The following RRH variants were observed in gnomAD, a reference collection of about 807,000 sequenced individuals.
RRH encodes the protein visual pigment-like receptor peropsin.
RRH carries 36 observed loss-of-function variants against 33.1 expected under a neutral mutation model. That is an observed-to-expected ratio of 1.09 (90% confidence interval 0.83 to 1.44). The LOEUF is 1.44. Ranked by LOEUF, RRH falls within the 40% of genes most tolerant of loss-of-function variation. RRH has a pLI of 0.00. For missense variants in RRH, 393 were observed against 420.2 expected (o/e 0.94, Z 0.57); for synonymous variants, 124 against 140.2 (o/e 0.88, Z 0.82).
At chr4:109,829,397 G>T (rs1733702844) in intron 1 of RRH, among the ~76,000 whole-genome samples, 1 of 146,796 alleles carries the variant, frequency 6.8e-6, no homozygotes. Flanking sequence ...GTTTGGTTTA[G>T]TTAGTTATTT....
chr4:109,833,774 T>C (rs1472372697), intron 2 of RRH, among the ~76,000 whole-genome samples: 2 of 152,208 alleles, frequency 1.3e-5, no homozygotes, highest in African/African-American at 4.8e-5. Flanking sequence ...TGTTATTTTT[T>C]AGTAAAAAGG....
chr4:109,832,363 G>A (rs115835048), intron 1 of RRH, among the ~76,000 whole-genome samples: 1 of 151,164 alleles, frequency 6.6e-6, no homozygotes, highest in African/African-American at 2.4e-5. Flanking sequence ...CAACACTGAG[G>A]TTCTGGAAAC....
intron 1 of RRH, among the ~76,000 whole-genome samples, chr4:109,830,950 C>G (rs1245029289): frequency 6.6e-6 from 1 of 152,134 alleles, no homozygotes; most frequent in African/African-American, 2.4e-5. Context: ...TTTAGACTGA[C>G]TGTGAAATGG....
intron 4 of RRH, 88 bp downstream of exon 4, chr4:109,836,248 C>T (rs2125893272): frequency 7.1e-7 from 1 of 1,404,446 alleles, no homozygotes; most frequent in Admixed American, 1.7e-5. Flanking sequence ...ATCATGTGTT[C>T]CTCATACAGA....
At chr4:109,843,481 TTACAG>T (rs1560586707) in intron 6 of RRH, among the ~76,000 whole-genome samples, 1 of 152,244 alleles carries the variant, frequency 6.6e-6, no homozygotes, top group Non-Finnish European at 1.5e-5. Context: ...AGCGCTGGGA[TTACAG>T]GCGTGAGCCA....
intron 4 of RRH, 106 bp from the exon 5 acceptor site, chr4:109,837,331 G>T: frequency 1.0e-6 from 1 of 1,002,542 alleles, no homozygotes; most frequent in Non-Finnish European, 1.5e-6. Context: ...AAATTATTTA[G>T]CAATATAATG....
intron 4 of RRH, 110 bp downstream of exon 4, chr4:109,836,270 C>A: frequency 8.8e-7 from 1 of 1,136,976 alleles, no homozygotes; most frequent in Non-Finnish European, 1.3e-6. Context: ...GGTGGCGAAG[C>A]ACTTCCCTGG....
intron 5 of RRH, among the ~76,000 whole-genome samples, chr4:109,838,393 C>G (rs1436297943): frequency 6.6e-6 from 1 of 152,162 alleles, no homozygotes; most frequent in African/African-American, 2.4e-5. Flanking sequence ...CTGATTGCTC[C>G]TGAGGACCAC....
intron 5 of RRH, among the ~76,000 whole-genome samples, chr4:109,838,474 T>G (rs1419750470): frequency 1.3e-5 from 2 of 150,674 alleles, no homozygotes; most frequent in Non-Finnish European, 3.0e-5. Flanking sequence ...CCTTCCAGGG[T>G]CGAATCCCCT....
chr4:109,835,571 A>G lies in RRH; in HGVS notation c.397+106A>G, dbSNP rs777699442. 7.0e-5 allele frequency: 59 copies of G among 837,388 alleles called. 1 individual carries two copies. The highest frequency in any genetic ancestry group is 9.4e-5 in the Admixed American group (5 of 53,330). The allele number at this position is 837,388 out of a possible 1,614,324, so 51.9% of individuals were successfully genotyped here. On this transcript the variant is annotated intron_variant, in intron 3 of 6. Transcript: ENST00000317735. ...AACCTAATGGTTTGTAGTTAGGGTC[A>G]GTTTTATTTCTCTGCCAATAATTGT...
At chr4:109,838,830 G>A (rs1424880581) in intron 5 of RRH, among the ~76,000 whole-genome samples, 1 of 152,094 alleles carries the variant, frequency 6.6e-6, no homozygotes, top group African/African-American at 2.4e-5. Flanking sequence ...TATGTCTCTA[G>A]TTTTCTGAAA....
rs776632573 is a variant in RRH at position 109,844,335 on chromosome 4, G to C, written c.*138G>C. The C allele has an allele frequency of 1.6e-6, 1 of 631,330 alleles. No homozygotes were observed. Among genetic ancestry groups the C allele is most frequent in the Non-Finnish European group, 2.9e-6 (1 of 347,172 alleles). The allele number at this position is 631,330 out of a possible 1,614,324, so 39.1% of individuals were successfully genotyped here. The stretch of plus-strand genomic sequence containing the variant: ...TGTAAGCTCCTCAAGCACAGCTCGT[G>C]CTTCTGTTTGTGCACTCTGGCTGCT... On this transcript the variant is annotated 3_prime_UTR_variant, in exon 7 of 7. Coordinates refer to ENST00000317735, the MANE Select transcript of RRH (RefSeq NM_006583.5).
At chr4:109,828,683 A>T (rs552750630) in intron 1 of RRH, among the ~76,000 whole-genome samples, 1 of 152,272 alleles carries the variant, frequency 6.6e-6, no homozygotes, top group East Asian at 1.9e-4. Context: ...CTGAAAATTC[A>T]GCTTGTTCCA....
At chr4:109,834,640 G>A (rs1733841270) in intron 2 of RRH, among the ~76,000 whole-genome samples, 1 of 142,078 alleles carries the variant, frequency 7.0e-6, no homozygotes, top group African/African-American at 2.7e-5. Flanking sequence ...ACTGCGCCCG[G>A]ACCCCCATTT....
At chr4:109,836,280 G>A in intron 4 of RRH, 120 bp downstream of exon 4, 1 of 1,027,244 alleles carries the variant, frequency 9.7e-7, no homozygotes, top group Non-Finnish European at 1.5e-6. Context: ...CACTTCCCTG[G>A]TAGTGATGAT....
At position 109,837,868 on chromosome 4, in the gene RRH, C is replaced by A. The variant is rs374036038; in HGVS notation, c.720+263C>A. On this transcript the variant is annotated intron_variant, in intron 5 of 6. Coordinates refer to ENST00000317735, the MANE Select transcript of RRH (RefSeq NM_006583.5). ...TCGGCTCACTGCAACCTCCGCCTCC[C>A]GGGTTCAAGTGATTCTCCTGCCTCA... is the stretch of plus-strand genomic sequence containing the variant. Among the ~76,000 whole-genome samples the A allele has an allele frequency of 6.6e-5, 10 of 152,292 alleles. No individual in the cohort carries two copies. In the East Asian group the frequency reaches 1.5e-3, roughly 24 times the overall value.
chr4:109,830,428 G>A (rs149638089), intron 1 of RRH, among the ~76,000 whole-genome samples: 123 of 152,264 alleles, frequency 8.1e-4, no homozygotes, highest in African/African-American at 2.7e-3. Flanking sequence ...GGGAGTAATC[G>A]CAGTGGGGAC....
chr4:109,839,216 A>G (rs1733942037), intron 5 of RRH, among the ~76,000 whole-genome samples: 1 of 151,344 alleles, frequency 6.6e-6, no homozygotes, highest in Non-Finnish European at 1.5e-5. Flanking sequence ...TCAAGCAAGC[A>G]CCAAAAAACT....
chr4:109,834,857 A>G (rs1733846571), intron 2 of RRH, among the ~76,000 whole-genome samples: 1 of 152,162 alleles, frequency 6.6e-6, no homozygotes, highest in Non-Finnish European at 1.5e-5. Flanking sequence ...ATTCTCCTTA[A>G]CATTTGGGAT....
Sources: allele counts gnomAD v4.1 joint callset (sites outside exome capture counted in the v4.1 genomes callset), GRCh38; gene constraint gnomAD v4.1.1; transcripts MANE v1.5; gene names NCBI Gene and HGNC (gene_info 2026-07-23, HGNC 2026-07-21).